LRRN4: variants seen among roughly 807,000 people sequenced by gnomAD.
LRRN4 encodes leucine rich repeat neuronal 4.
Under a neutral mutation model 22.3 loss-of-function variants are expected in LRRN4, and 26 were observed. The observed-to-expected ratio is 1.16, with a 90% CI of 0.85 to 1.62. The LOEUF is 1.62. LRRN4 is among the 40% of genes most tolerant of loss of function. The pLI is 0.00. For synonymous variants in LRRN4, 496 were observed against 486.2 expected (o/e 1.02, Z -0.26); for missense variants, 1,070 against 1,008.5 (o/e 1.06, Z -0.83).
At position 6,041,031 on chromosome 20, in the gene LRRN4, G is replaced by A. The variant is rs774769459; in HGVS notation, c.2214C>T (p.Thr738=). The A allele has an allele frequency of 2.5e-6, 4 of 1,613,920 alleles. No homozygotes were observed. The highest frequency in any genetic ancestry group is 1.7e-6 in the Non-Finnish European group (2 of 1,179,962). The change falls in exon 5 of 5, where the codon ACC becomes ACT. Residue 738 remains threonine (T), a synonymous_variant. Transcript: ENST00000378858. The surrounding 1 kb of genome is among the most constrained non-coding windows in gnomAD (Gnocchi z 9.4). ...TATCCCAGAAGCTGGGCTAACTGACGGTCTGGAGCCCCAGCGGGTAATCAT... is the reference window on the plus strand; with the variant it reads ...TATCCCAGAAGCTGGGCTAACTGACAGTCTGGAGCCCCAGCGGGTAATCAT... ...AFDDYPLGLQ[T]VS is the part of the protein sequence containing the mutation.
intron 4 of LRRN4, among the ~76,000 whole-genome samples, chr20:6,043,776 G>A (rs371719536): frequency 7.9e-5 from 12 of 152,222 alleles, no homozygotes; most frequent in Admixed American, 3.9e-4. Context: ...CGGGTGTGGT[G>A]GCTTGCACCT....
At chr20:6,043,062 A>G (rs993702320) in intron 4 of LRRN4, among the ~76,000 whole-genome samples, 1 of 152,148 alleles carries the variant, frequency 6.6e-6, no homozygotes, top group Non-Finnish European at 1.5e-5. Flanking sequence ...CATTTTACAG[A>G]TGAGAAGGTA....
chr20:6,041,533 G>A lies in LRRN4; in HGVS notation c.1712C>T (p.Pro571Leu). The A allele has an allele frequency of 6.4e-7, 1 of 1,552,474 alleles. No homozygotes were observed. Among genetic ancestry groups the A allele is most frequent in the Non-Finnish European group, 8.7e-7 (1 of 1,148,580 alleles). ...GATGGTGTCTTCCCCGCTGAGGCCG[G>A]GGCACCGGCACCGCCACCGCCTCTG... ...ELQRRWRCRCPGLSGEDTIPD... is the reference protein window; with the variant it reads ...ELQRRWRCRCLGLSGEDTIPD... Residue 571 changes from proline (P) to leucine (L), a missense_variant, in exon 5 of 5, where the codon CCC becomes CTC. Transcript: ENST00000378858. This position sits in a 1 kb window ranked among gnomAD's most constrained non-coding sequence, Gnocchi z 9.4.
intron 3 of LRRN4, among the ~76,000 whole-genome samples, chr20:6,046,887 G>C: frequency 6.6e-6 from 1 of 150,540 alleles, no homozygotes. Context: ...GTTAGAATGA[G>C]AGTTCAATCA....
chr20:6,041,736 T>C lies in LRRN4; in HGVS notation c.1509A>G (p.Thr503=), dbSNP rs763979275. 8.1e-6 allele frequency: 13 copies of C among 1,613,766 alleles called. No homozygotes were observed. The South Asian group carries it at 1.3e-4, about 16-fold the overall frequency. The change falls in exon 5 of 5, where the codon ACA becomes ACG. Residue 503 remains threonine, a synonymous_variant. Transcript: ENST00000378858. This position sits in a 1 kb window ranked among gnomAD's most constrained non-coding sequence, Gnocchi z 9.4. ...SISSPQPGQR[T]HATPQAPNPS... ...GGTTGGGGGCTTGGGGTGTGGCGTGTGTCCTCTGGCCGGGCTGAGGCGAGC... is the reference window on the plus strand; with the variant it reads ...GGTTGGGGGCTTGGGGTGTGGCGTGCGTCCTCTGGCCGGGCTGAGGCGAGC...
At position 6,052,408 on chromosome 20, in the gene LRRN4, T is replaced by C. The variant is rs1307622227; in HGVS notation, c.392A>G (p.Tyr131Cys). ...PAGLHTLDLSYNQLAALPPCT... is the reference protein window; with the variant it reads ...PAGLHTLDLSCNQLAALPPCT... The stretch of plus-strand genomic sequence containing the variant: ...CGGCGGCAGAGCGGCCAGCTGGTTG[T>C]AGCTGAGGTCCAGGGTGTGCAGCCC... Residue 131 changes from tyrosine (Y) to cysteine (C), a missense_variant, in exon 2 of 5, where the codon TAC becomes TGC. By Grantham distance (194) the Tyr-to-Cys change is radical. Transcript: ENST00000378858. 38 of 1,537,298 alleles carry C rather than the reference T, an allele frequency of 2.5e-5. No individual in the cohort carries two copies. Among genetic ancestry groups the C allele is most frequent in the Non-Finnish European group, 3.3e-5 (38 of 1,151,628 alleles).
Position 6,041,142 on chromosome 20 carries a change from C to T in LRRN4, c.2103G>A (p.Leu701=). Residue 701 remains leucine (L), a synonymous_variant, in exon 5 of 5, where the codon CTG becomes CTA. Transcript: ENST00000378858. This position sits in a 1 kb window ranked among gnomAD's most constrained non-coding sequence, Gnocchi z 9.4. ...GGCCCCGCCTGCAGAGACATGCGGA[C>T]AGCACCACGGTGCTGGCGAGCAACA... ...SGLLLASTVV[L]SACLCRRGQT... is the part of the protein sequence containing the mutation. The T allele has an allele frequency of 6.2e-7, 1 of 1,608,912 alleles. No individual in the cohort carries two copies. The highest frequency in any genetic ancestry group is 8.5e-7 in the Non-Finnish European group (1 of 1,177,734).
At position 6,052,378 on chromosome 20, in the gene LRRN4, G is replaced by C. The variant is rs758224248; in HGVS notation, c.422C>G (p.Thr141Ser). Residue 141 changes from threonine to serine, a missense_variant, in exon 2 of 5, where the codon ACC (threonine) becomes AGC (serine). Coordinates refer to ENST00000378858, the MANE Select transcript of LRRN4 (RefSeq NM_152611.5). ...GCGGAGGCTGCTCAGCGCGGGCCCG[G>C]TGCACGGCGGCAGAGCGGCCAGCTG... ...YNQLAALPPC[T>S]GPALSSLRAL... The C allele has an allele frequency of 6.6e-7, 1 of 1,523,336 alleles. No individual in the cohort carries two copies. Among genetic ancestry groups the C allele is most frequent in the Non-Finnish European group, 8.7e-7 (1 of 1,144,600 alleles). The allele number at this position is 1,523,336 out of a possible 1,614,324, so 94.4% of individuals were successfully genotyped here. A position where few individuals can be genotyped will look rare whatever the true frequency, so the allele number is the denominator to read the frequency against.
intron 3 of LRRN4, among the ~76,000 whole-genome samples, chr20:6,047,208 A>G (rs767846351): frequency 6.6e-6 from 1 of 152,094 alleles, no homozygotes; most frequent in Admixed American, 6.6e-5. Context: ...TGCATGTCAC[A>G]TTTGGGTATT....
chr20:6,045,479 A>G (rs1981080528), intron 3 of LRRN4, among the ~76,000 whole-genome samples: 1 of 148,324 alleles, frequency 6.7e-6, no homozygotes, highest in African/African-American at 2.4e-5. Flanking sequence ...CAACAAAAAC[A>G]CACACACAAA....
intron 1 of LRRN4, among the ~76,000 whole-genome samples, 200 bp from the exon 2 acceptor site, chr20:6,053,004 C>T (rs1460549343): frequency 6.6e-6 from 1 of 152,114 alleles, no homozygotes; most frequent in African/African-American, 2.4e-5. Flanking sequence ...GTCGTCTCCC[C>T]TAGGAGCACG....
rs1246663806 is a variant in LRRN4, at chr20:6,041,432, A to G, written c.1813T>C (p.Ser605Pro). ...CGGATCTGGTACCCATGCACTACCG[A>G]GTTGGGGGCACACCAGTGGACCAGC... ...SALVHWCAPNSVVHGYQIRYS... is the reference protein window; with the variant it reads ...SALVHWCAPNPVVHGYQIRYS... Residue 605 changes from serine (S) to proline (P), a missense_variant, in exon 5 of 5, where the codon TCG becomes CCG. Transcript: ENST00000378858. The surrounding 1 kb of genome is among the most constrained non-coding windows in gnomAD (Gnocchi z 9.4). The G allele has an allele frequency of 5.8e-6, 9 of 1,553,404 alleles. No individual in the cohort carries two copies. The highest frequency in any genetic ancestry group is 7.8e-6 in the Non-Finnish European group (9 of 1,148,346).
rs1413156249 is a variant in LRRN4 at position 6,041,499 on chromosome 20, C to T, written c.1746G>A (p.Pro582=). ...TCTCCGTCACCCCCTGCAGCCTGGG[C>T]GGGTCTGGGATGGTGTCTTCCCCGC... ...GLSGEDTIPD[P]PRLQGVTETT... Residue 582 remains proline, a synonymous_variant, in exon 5 of 5, where the codon CCG becomes CCA. Coordinates refer to ENST00000378858, the MANE Select transcript of LRRN4 (RefSeq NM_152611.5). This position sits in a 1 kb window ranked among gnomAD's most constrained non-coding sequence, Gnocchi z 9.4. 2.6e-6 allele frequency: 4 copies of T among 1,558,592 alleles called. No homozygotes were observed. Among genetic ancestry groups the T allele is most frequent in the Admixed American group, 1.9e-5 (1 of 53,340 alleles).
intron 3 of LRRN4, among the ~76,000 whole-genome samples, chr20:6,047,803 G>A (rs1981146742): frequency 7.0e-6 from 1 of 143,328 alleles, no homozygotes; most frequent in African/African-American, 2.6e-5. Context: ...AAAAAAAAAA[G>A]AGTGGACCCA....
At position 6,051,074 on chromosome 20, in the gene LRRN4, T is replaced by C. The variant is rs1234547605; in HGVS notation, c.656-91A>G. On this transcript the variant is annotated intron_variant, in intron 2 of 4. Coordinates refer to ENST00000378858, the MANE Select transcript of LRRN4 (RefSeq NM_152611.5). ...TGAAGGAAGAACGAGAGTGGCAAGG[T>C]GAATGGTGAAGGTCATCGCTGAGCA... The C allele has an allele frequency of 3.6e-6, 4 of 1,116,506 alleles. No homozygotes were observed. The African/African-American group carries it at 6.2e-5, about 17-fold the overall frequency. 69.2% of individuals were successfully genotyped at this position (1,116,506 alleles called of 1,614,324 possible).
chr20:6,047,040 G>A (rs1286579716), intron 3 of LRRN4, among the ~76,000 whole-genome samples: 1 of 152,076 alleles, frequency 6.6e-6, no homozygotes, highest in East Asian at 1.9e-4. Context: ...TGACGACTTA[G>A]TGAGGTAGAC....
At position 6,040,863 on chromosome 20, in the gene LRRN4, C is replaced by T. The variant is rs1980903329; in HGVS notation, c.*159G>A. 1 of 964,602 alleles carries T rather than the reference C, an allele frequency of 1.0e-6. No individual in the cohort carries two copies. Among genetic ancestry groups the T allele is most frequent in the Non-Finnish European group, 1.5e-6 (1 of 664,128 alleles). 59.8% of individuals were successfully genotyped at this position (964,602 alleles called of 1,614,324 possible). A position where few individuals can be genotyped will look rare whatever the true frequency, so the allele number is the denominator to read the frequency against. On this transcript the variant is annotated 3_prime_UTR_variant, in exon 5 of 5. Transcript: ENST00000378858. ...GAAGGGAGGGCAGCAGTTCCTTGGACCCAGACACTCAGTGTGGCAAGTTCC... is the reference window on the plus strand; with the variant it reads ...GAAGGGAGGGCAGCAGTTCCTTGGATCCAGACACTCAGTGTGGCAAGTTCC...
chr20:6,053,194 C>T (rs1279644184), intron 1 of LRRN4, among the ~76,000 whole-genome samples: 1 of 152,140 alleles, frequency 6.6e-6, no homozygotes, highest in Non-Finnish European at 1.5e-5. Flanking sequence ...AAACTCTCCC[C>T]AGGTAAACAG....
At position 6,052,449 on chromosome 20, in the gene LRRN4, G is replaced by A. The variant is rs1170789253; in HGVS notation, c.351C>T (p.Gly117=). Residue 117 remains glycine (G), a synonymous_variant, in exon 2 of 5, where the codon GGC becomes GGT. Transcript: ENST00000378858. The part of the protein sequence containing the change: ...RHNRIAALRW[G]PGGPAGLHTL... Reference sequence around the variant, plus strand: ...TGTGCAGCCCCGCCGGCCCACCCGGGCCCCAGCGCAGCGCGGCGATGCGGT... The same window carrying A: ...TGTGCAGCCCCGCCGGCCCACCCGGACCCCAGCGCAGCGCGGCGATGCGGT... The A allele has an allele frequency of 2.6e-6, 4 of 1,553,712 alleles. No individual in the cohort carries two copies. The East Asian group carries it at 9.5e-5, about 37-fold the overall frequency.
Sources: gnomAD v4.1 joint callset for allele counts (sites outside exome capture counted in the v4.1 genomes callset) on GRCh38, gnomAD v4.1.1 for gene constraint, Gnocchi (gnomAD v3.1) non-coding constraint, MANE v1.5 for transcripts, NCBI Gene and HGNC (gene_info 2026-07-23, HGNC 2026-07-21) for gene names.